Variants in SHANK2 observed in about 807,000 individuals in gnomAD.
The protein encoded by SHANK2 is SH3 and multiple ankyrin repeat domains 2, also known as SH3 and multiple ankyrin repeat domains protein 2.
A neutral mutation model predicts 133.7 loss-of-function variants in SHANK2; 43 were observed. The ratio of observed to expected loss-of-function variants is 0.32; its 90% CI spans 0.25 to 0.41. The LOEUF (loss-of-function observed/expected upper bound fraction) is 0.41, where lower values mean the gene tolerates loss of function less well. Ranked by LOEUF, SHANK2 falls within the 10% of genes least tolerant of loss-of-function variation. The probability of loss-of-function intolerance (pLI) is 1.00; values close to 1 mark genes in which losing one functional copy is unlikely to be tolerated. For synonymous variants in SHANK2, 1,017 were observed against 952.8 expected, an observed-to-expected ratio of 1.07 and a Z score of -1.24; for missense variants, 1,994 against 2,235.8, an observed-to-expected ratio of 0.89 and a Z score of 2.18.
chr11:70,528,374 G>A (rs539203069), intron 17 of SHANK2, among the ~76,000 whole-genome samples: 7 of 152,290 alleles, frequency 4.6e-5, no homozygotes, highest in East Asian at 3.9e-4. Flanking sequence ...GCCTCGACGC[G>A]CAATGCAGGT....
chr11:70,768,137 C>T lies in SHANK2; in HGVS notation c.1777+30306G>A, dbSNP rs184386043. ...CTGTAAAGTGGCGACAGCTGCACAT[C>T]CTGGGGCCAGGAGTGGCATCAAAGA... On this transcript the variant is annotated intron_variant, in intron 14 of 25. Coordinates refer to ENST00000601538, the MANE Select transcript of SHANK2 (RefSeq NM_012309.5). 9.8e-5 allele frequency among the ~76,000 whole-genome samples: 15 copies of T among 152,292 alleles called. No homozygotes were observed. The South Asian group carries it at 3.1e-3, about 32-fold the overall frequency.
At chr11:71,072,736 G>A (rs1033499676) in intron 9 of SHANK2, among the ~76,000 whole-genome samples, 6 of 152,226 alleles carry the variant, frequency 3.9e-5, no homozygotes, top group South Asian at 2.1e-4. Flanking sequence ...AAAAAATTCC[G>A]ACACAGCCTA....
At chr11:70,495,585 G>A (rs1385330962) in intron 21 of SHANK2, among the ~76,000 whole-genome samples, 2 of 152,226 alleles carry the variant, frequency 1.3e-5, no homozygotes, top group African/African-American at 4.8e-5. Flanking sequence ...GCACCAGGGA[G>A]TTATGTCCCA....
At chr11:70,502,316 A>T in intron 18 of SHANK2, 30 bp from the exon 19 acceptor site, 1 of 1,540,532 alleles carries the variant, frequency 6.5e-7, no homozygotes, top group Non-Finnish European at 8.8e-7. Flanking sequence ...TGGGTGTGAG[A>T]CCCCAGCCCA....
intron 1 of SHANK2, among the ~76,000 whole-genome samples, chr11:71,236,585 GTTCCAGTAGGCAAC>G (rs1408456988): frequency 6.6e-6 from 1 of 152,194 alleles, no homozygotes; most frequent in Non-Finnish European, 1.5e-5. Context: ...CTTGAGCCTG[GTTCCAGTAGGCAAC>G]TTACAGAACC....
chr11:71,239,414 T>C (rs1281775626), intron 1 of SHANK2, among the ~76,000 whole-genome samples: 1 of 152,202 alleles, frequency 6.6e-6, no homozygotes, highest in Non-Finnish European at 1.5e-5. Flanking sequence ...CTAAGCTACC[T>C]ACAAAGATAC....
At chr11:70,656,698 C>T (rs1053109145) in intron 17 of SHANK2, among the ~76,000 whole-genome samples, 1 of 152,182 alleles carries the variant, frequency 6.6e-6, no homozygotes, top group African/African-American at 2.4e-5. Flanking sequence ...TTATCTTTCA[C>T]GTCCACCTCT....
rs1331494307 is a variant in SHANK2, at chr11:70,490,084, C to CT, written c.2551+191dup. The CT allele has an allele frequency of 4.0e-5, 23 of 578,984 alleles. No homozygotes were observed. The East Asian group carries it at 6.9e-4, about 17-fold the overall frequency. 35.9% of individuals were successfully genotyped at this position (578,984 alleles called of 1,614,324 possible). ...TTCAGGGGGGATGAGTTTCATGCCA[C>CT]TCAGATGTTCCAATGGCTCCCTAGT... On this transcript the variant is annotated intron_variant, in intron 23 of 25. Coordinates refer to ENST00000601538, the MANE Select transcript of SHANK2 (RefSeq NM_012309.5).
At chr11:70,828,475 C>T (rs1481572816) in intron 11 of SHANK2, among the ~76,000 whole-genome samples, 9 of 152,254 alleles carry the variant, frequency 5.9e-5, no homozygotes, top group African/African-American at 1.9e-4. Context: ...AGGTCAGAGC[C>T]ACCAGTGTGT....
chr11:71,173,397 G>A (rs1555112588), intron 2 of SHANK2, among the ~76,000 whole-genome samples: 1 of 152,214 alleles, frequency 6.6e-6, no homozygotes, highest in East Asian at 1.9e-4. Flanking sequence ...TGCTGGCCTG[G>A]CCTCAGGATT....
chr11:70,604,265 G>T (rs1279597560), intron 17 of SHANK2: 1 of 152,380 alleles, frequency 6.6e-6, no homozygotes, highest in Non-Finnish European at 1.5e-5. Context: ...CAAGTGAGCG[G>T]TGCAAGAGCA....
intron 17 of SHANK2, among the ~76,000 whole-genome samples, chr11:70,560,271 G>A (rs941030760): frequency 3.3e-5 from 5 of 152,068 alleles, no homozygotes; most frequent in Admixed American, 6.6e-5. Context: ...ACAGAAATTC[G>A]AAAATACCTC....
Position 70,473,337 on chromosome 11 carries a change from G to T in SHANK2, c.5082C>A (p.Pro1694=). 1.2e-6 allele frequency: 2 copies of T among 1,613,520 alleles called. No individual in the cohort carries two copies. Among genetic ancestry groups the T allele is most frequent in the Non-Finnish European group, 1.7e-6 (2 of 1,180,032 alleles). The change falls in exon 26 of 26, where the codon CCC becomes CCA. Residue 1694 remains proline (P), a synonymous_variant. Coordinates refer to ENST00000601538, the MANE Select transcript of SHANK2 (RefSeq NM_012309.5). This position sits in a 1 kb window ranked among gnomAD's most constrained non-coding sequence, Gnocchi z 5.9. ...CTGAGGTCCTGCTTTCATAGTCGGG[G>T]GGCCGGCTCTGCAGGGTGATGGGCT... ...TSQPITLQSR[P]PDYESRTSGT...
At chr11:70,680,232 G>A (rs559475668) in intron 15 of SHANK2, among the ~76,000 whole-genome samples, 24 of 152,310 alleles carry the variant, frequency 1.6e-4, no homozygotes, top group Admixed American at 8.5e-4. Flanking sequence ...TTCAGTCTAT[G>A]CATTGAATGC....
chr11:70,912,128 GAAAGAAAA>G (rs1950202860), intron 10 of SHANK2, among the ~76,000 whole-genome samples: 2 of 140,914 alleles, frequency 1.4e-5, no homozygotes, highest in South Asian at 4.7e-4. Flanking sequence ...AAGAAAGAAA[GAAAGAAAA>G]GAGAAGAGAA....
intron 17 of SHANK2, among the ~76,000 whole-genome samples, chr11:70,614,276 G>T (rs1448543070): frequency 6.6e-6 from 1 of 151,128 alleles, no homozygotes; most frequent in Admixed American, 6.6e-5. Context: ...CAATGACACA[G>T]TAAAAGTTTG....
At chr11:71,144,302 G>A (rs1477637856) in intron 3 of SHANK2, among the ~76,000 whole-genome samples, 24 of 152,200 alleles carry the variant, frequency 1.6e-4, no homozygotes, top group Admixed American at 2.0e-4. Context: ...CCTCCACTGC[G>A]TTTCCCAGCC....
intron 17 of SHANK2, among the ~76,000 whole-genome samples, chr11:70,611,377 C>G (rs2060655282): frequency 6.6e-6 from 1 of 152,154 alleles, no homozygotes; most frequent in African/African-American, 2.4e-5. Flanking sequence ...CGTTCCTCGA[C>G]AGTTTTCTCA....
intron 17 of SHANK2, among the ~76,000 whole-genome samples, chr11:70,576,947 A>G (rs2060123020): frequency 6.6e-6 from 1 of 152,226 alleles, no homozygotes; most frequent in Non-Finnish European, 1.5e-5. Flanking sequence ...GTGGCTCTCT[A>G]GAAATAATGA....
Sources: allele counts gnomAD v4.1 joint callset (sites outside exome capture counted in the v4.1 genomes callset), GRCh38; gene constraint gnomAD v4.1.1; non-coding constraint Gnocchi (gnomAD v3.1); transcripts MANE v1.5; gene names NCBI Gene and HGNC (gene_info 2026-07-23, HGNC 2026-07-21).